Variants in JARID2 observed in about 807,000 individuals in gnomAD.
JARID2 encodes jumonji and AT-rich interaction domain containing 2.
JARID2 carries 21 observed loss-of-function variants against 125.6 expected under a neutral mutation model. The observed-to-expected ratio is 0.17, with a 90% CI of 0.12 to 0.24. JARID2 has a LOEUF of 0.24. JARID2 is among the 10% of genes least tolerant of loss of function. The pLI is 1.00. For synonymous variants in JARID2, 736 were observed against 661.6 expected, an observed-to-expected ratio of 1.11 and a Z score of -1.73; for missense variants, 1,303 against 1,639.6, an observed-to-expected ratio of 0.79 and a Z score of 3.55.
intron 1 of JARID2, among the ~76,000 whole-genome samples, chr6:15,261,527 T>C (rs6921305): frequency 1 from 151,871 of 152,216 alleles, 75,763 homozygotes; most frequent in Middle Eastern, 1. Context: ...CATGTTAGTT[T>C]GCCAGGATGG....
In JARID2 at chr6:15,356,958, G is replaced by A. The variant is rs1229044930; in HGVS notation, c.46-17159G>A. 7.2e-5 allele frequency among the ~76,000 whole-genome samples: 4 copies of A among 55,178 alleles called. No homozygotes were observed. The South Asian group carries it at 2.5e-3, about 34-fold the overall frequency. The allele number at this position is 55,178 out of a possible 152,430, so 36.2% of individuals were successfully genotyped here. ...GAGCCCGGGAGGCAGAGGTTGCAGT[G>A]AGCTGAGAGTGCACCACTGCACTCC... On this transcript the variant is annotated intron_variant, in intron 1 of 17. Transcript: ENST00000341776.
At chr6:15,253,793 G>A in intron 1 of JARID2, among the ~76,000 whole-genome samples, 1 of 152,194 alleles carries the variant, frequency 6.6e-6, no homozygotes, top group East Asian at 1.9e-4. Flanking sequence ...TAACGGGATT[G>A]TGAAGAGAGG....
intron 4 of JARID2, among the ~76,000 whole-genome samples, chr6:15,459,769 A>T (rs1768359053): frequency 6.6e-6 from 1 of 152,226 alleles, no homozygotes; most frequent in Non-Finnish European, 1.5e-5. Flanking sequence ...ATTGAGGACT[A>T]GGATTTCTAA....
At chr6:15,412,554 C>T (rs1158394497) in intron 3 of JARID2, among the ~76,000 whole-genome samples, 3 of 152,122 alleles carry the variant, frequency 2.0e-5, no homozygotes, top group Non-Finnish European at 4.4e-5. Context: ...AGTGACCCAC[C>T]CACCTCCGAA....
chr6:15,334,434 A>G (rs1191237451), intron 1 of JARID2, among the ~76,000 whole-genome samples: 1 of 152,084 alleles, frequency 6.6e-6, no homozygotes, highest in African/African-American at 2.4e-5. Flanking sequence ...TAATGTGAGG[A>G]TGCTTTTTAT....
intron 2 of JARID2, among the ~76,000 whole-genome samples, chr6:15,382,403 C>G (rs564396556): frequency 1.3e-5 from 2 of 152,090 alleles, no homozygotes; most frequent in Non-Finnish European, 2.9e-5. Flanking sequence ...TTGAAAGATG[C>G]GAGAGATTTC....
rs56334116 is a variant in JARID2 at position 15,428,940 on chromosome 6, C to CA, written c.323+18589dup. 2.4e-3 allele frequency among the ~76,000 whole-genome samples: 276 copies of CA among 116,824 alleles called. 2 individuals are homozygous for CA. The Middle Eastern group carries it at 0.026, about 11-fold the overall frequency. 76.6% of individuals were successfully genotyped at this position (116,824 alleles called of 152,430 possible). Reference sequence around the variant, plus strand: ...ACAAAAAAAAAACAAACCCCCCCCCCAAAAAAAAAAAAAACTTCTAGAGTA... The same window carrying CA: ...ACAAAAAAAAAACAAACCCCCCCCCCAAAAAAAAAAAAAAACTTCTAGAGTA... On this transcript the variant is annotated intron_variant, in intron 3 of 17. Coordinates refer to ENST00000341776, the MANE Select transcript of JARID2 (RefSeq NM_004973.4).
chr6:15,477,272 TTGTC>T (rs915522339), intron 5 of JARID2, among the ~76,000 whole-genome samples: 7 of 152,248 alleles, frequency 4.6e-5, no homozygotes, highest in South Asian at 4.1e-4. Flanking sequence ...AGCCCTCTCT[TTGTC>T]TGGGCGGTGG....
chr6:15,414,088 TCAG>T (rs1458769000), intron 3 of JARID2, among the ~76,000 whole-genome samples: 1 of 152,148 alleles, frequency 6.6e-6, no homozygotes, highest in Non-Finnish European at 1.5e-5. Flanking sequence ...TTTAGAATCA[TCAG>T]CAAAAAAATA....
Position 15,375,530 on chromosome 6 carries a change from A to AT in JARID2, c.181+1281dup, listed in dbSNP as rs571714738. ...GTGGAATCTATTGCCATAGAATCCA[A>AT]TTTAGACCCTCATAGCTGCTTTCCT... On this transcript the variant is annotated intron_variant, in intron 2 of 17. Transcript: ENST00000341776. Among the ~76,000 whole-genome samples, 37 of 152,352 alleles carry AT rather than the reference A, an allele frequency of 2.4e-4. No homozygotes were observed. In the East Asian group the frequency reaches 4.2e-3, roughly 17 times the overall value.
intron 6 of JARID2, among the ~76,000 whole-genome samples, chr6:15,492,976 A>G (rs7756331): frequency 0.21 from 31,466 of 152,102 alleles, 3,763 homozygotes; most frequent in Middle Eastern, 0.36. Flanking sequence ...TACCTTGCCA[A>G]TAATTCAGTA....
chr6:15,414,474 C>G (rs1766040878), intron 3 of JARID2, among the ~76,000 whole-genome samples: 1 of 152,146 alleles, frequency 6.6e-6, no homozygotes, highest in Non-Finnish European at 1.5e-5. Context: ...GGAGTTTCCT[C>G]AAATTTCTAA....
chr6:15,336,507 A>G (rs892877121), intron 1 of JARID2, among the ~76,000 whole-genome samples: 1 of 152,246 alleles, frequency 6.6e-6, no homozygotes, highest in Non-Finnish European at 1.5e-5. Context: ...GTACAATGAC[A>G]TATAATAAGG....
At chr6:15,491,992 C>T (rs534019642) in intron 6 of JARID2, among the ~76,000 whole-genome samples, 9 of 152,336 alleles carry the variant, frequency 5.9e-5, no homozygotes, top group African/African-American at 1.7e-4. Context: ...TCTGGCCGAA[C>T]GTAACTTGAA....
chr6:15,377,567 G>A (rs61466979), intron 2 of JARID2, among the ~76,000 whole-genome samples: 2 of 152,246 alleles, frequency 1.3e-5, no homozygotes, highest in African/African-American at 4.8e-5. Flanking sequence ...CCGGGTTCAA[G>A]CGATTATCCT....
chr6:15,347,480 G>A (rs757957511), intron 1 of JARID2, among the ~76,000 whole-genome samples: 4 of 152,076 alleles, frequency 2.6e-5, no homozygotes, highest in African/African-American at 9.7e-5. Context: ...GATTCCTCAC[G>A]TGGTTGGTGA....
intron 1 of JARID2, among the ~76,000 whole-genome samples, chr6:15,286,656 C>T (rs1019683299): frequency 5.3e-5 from 8 of 151,686 alleles, no homozygotes; most frequent in South Asian, 4.2e-4. Context: ...GTCAGGAGAT[C>T]GAGAGCATCC....
At chr6:15,363,432 T>C (rs1418885956) in intron 1 of JARID2, among the ~76,000 whole-genome samples, 1 of 152,242 alleles carries the variant, frequency 6.6e-6, no homozygotes, top group African/African-American at 2.4e-5. Context: ...GTTTTACACA[T>C]GAGCCACTGT....
chr6:15,421,060 T>C (rs954211299), intron 3 of JARID2, among the ~76,000 whole-genome samples: 2 of 152,186 alleles, frequency 1.3e-5, no homozygotes, highest in Non-Finnish European at 2.9e-5. Context: ...TCTGCTGTGC[T>C]CTGCCTTACA....
Sources: allele counts gnomAD v4.1 joint callset (sites outside exome capture counted in the v4.1 genomes callset), GRCh38; gene constraint gnomAD v4.1.1; transcripts MANE v1.5; gene names NCBI Gene and HGNC (gene_info 2026-07-23, HGNC 2026-07-21).